Variants in ZDHHC3 observed in about 807,000 individuals in gnomAD.
ZDHHC3 encodes the protein palmitoyltransferase ZDHHC3.
A neutral mutation model predicts 30.6 loss-of-function variants in ZDHHC3; 9 were observed. The observed-to-expected ratio is 0.29, with a 90% CI of 0.18 to 0.51. The LOEUF (loss-of-function observed/expected upper bound fraction) is 0.51, where lower values mean the gene tolerates loss of function less well. Ranked by LOEUF, ZDHHC3 falls within the 20% of genes least tolerant of loss-of-function variation. The pLI is 0.97. For synonymous variants in ZDHHC3, 136 were observed against 140.2 expected (o/e 0.97, Z 0.21); for missense variants, 246 against 384.2 (o/e 0.64, Z 3.01).
rs1339629648 is a variant in ZDHHC3 at position 44,922,970 on chromosome 3, T to G, written c.*3719A>C. On this transcript the variant is annotated 3_prime_UTR_variant, in exon 7 of 7. Coordinates refer to ENST00000424952, the MANE Select transcript of ZDHHC3 (RefSeq NM_001135179.2). The stretch of plus-strand genomic sequence containing the variant: ...CTTTAAGCTGATGCACTGCAAGTCT[T>G]GAAAAGAGAGAAATTTAAAACCCAT... 1 of 985,222 alleles carries G rather than the reference T, an allele frequency of 1.0e-6. No homozygotes were observed. The highest frequency in any genetic ancestry group is 1.1e-4 in the East Asian group (1 of 8,822). The allele number at this position is 985,222 out of a possible 1,614,324, so 61.0% of individuals were successfully genotyped here. A position where few individuals can be genotyped will look rare whatever the true frequency, so the allele number is the denominator to read the frequency against.
chr3:44,945,127 G>A, intron 3 of ZDHHC3, 41 bp downstream of exon 3: 1 of 1,612,708 alleles, frequency 6.2e-7, no homozygotes, highest in Admixed American at 1.7e-5. Context: ...AGGGAGGCAG[G>A]ACAGTGGGAG....
chr3:44,942,693 G>A (rs139563112), intron 3 of ZDHHC3, among the ~76,000 whole-genome samples: 3 of 152,210 alleles, frequency 2.0e-5, no homozygotes, highest in Admixed American at 2.0e-4. Context: ...CGCTTGTTGA[G>A]CTAGGTGACT....
Position 44,933,920 on chromosome 3 carries a change from C to T in ZDHHC3, c.496G>A (p.Glu166Lys), listed in dbSNP as rs756310134. ...AGGACGAAGTACTTCTGGTTGTTCTCGCCTACACAGTTGTTGACCCAGGGA... is the reference window on the plus strand; with the variant it reads ...AGGACGAAGTACTTCTGGTTGTTCTTGCCTACACAGTTGTTGACCCAGGGA... ...HCPWVNNCVG[E>K]NNQKYFVLFT... The change falls in exon 4 of 7, where the codon GAG becomes AAG. Residue 166 changes from glutamate (E) to lysine (K), a missense_variant. Transcript: ENST00000424952. 4.3e-6 allele frequency: 7 copies of T among 1,614,196 alleles called. No homozygotes were observed. The highest frequency in any genetic ancestry group is 1.1e-5 in the South Asian group (1 of 91,084).
chr3:44,945,235 G>A lies in ZDHHC3; in HGVS notation c.364C>T (p.Pro122Ser). The change falls in exon 3 of 7, where the codon CCT becomes TCT. Residue 122 changes from proline (P) to serine (S), a missense_variant. By Grantham distance (74) the Pro-to-Ser change is moderately conservative. Coordinates refer to ENST00000424952, the MANE Select transcript of ZDHHC3 (RefSeq NM_001135179.2). Reference sequence around the variant, plus strand: ...GGGCACTTGTACACCACCTGCCCAGGCTTCAACTGTAAACTCTCGATGAAT... The same window carrying A: ...GGGCACTTGTACACCACCTGCCCAGACTTCAACTGTAAACTCTCGATGAAT... ...KEFIESLQLKPGQVVYKCPKC... is the reference protein window; with the variant it reads ...KEFIESLQLKSGQVVYKCPKC... 6.2e-7 allele frequency: 1 copy of A among 1,614,240 alleles called. No homozygotes were observed. The highest frequency in any genetic ancestry group is 8.5e-7 in the Non-Finnish European group (1 of 1,180,048).
At chr3:44,934,092 C>G (rs952923137) in intron 3 of ZDHHC3, 108 bp from the exon 4 acceptor site, 1 of 1,084,862 alleles carries the variant, frequency 9.2e-7, no homozygotes, top group Non-Finnish European at 1.4e-6. Flanking sequence ...AAATGGCTTC[C>G]TTGGGCACTG....
At chr3:44,933,743 A>T in intron 4 of ZDHHC3, 145 bp downstream of exon 4, 1 of 784,754 alleles carries the variant, frequency 1.3e-6, no homozygotes, top group Non-Finnish European at 2.2e-6. Context: ...TTGTTGAGCC[A>T]GAGAGATCTT....
intron 2 of ZDHHC3, among the ~76,000 whole-genome samples, chr3:44,955,918 G>A (rs577538052): frequency 1.3e-5 from 2 of 152,288 alleles, no homozygotes; most frequent in Admixed American, 1.3e-4. Context: ...CCTTACTAAT[G>A]GTAGATATTT....
chr3:44,956,300 C>G (rs927034241), intron 2 of ZDHHC3, among the ~76,000 whole-genome samples: 1 of 152,212 alleles, frequency 6.6e-6, no homozygotes, highest in Non-Finnish European at 1.5e-5. Context: ...CAGCTCCAGA[C>G]TGACTATCTA....
At chr3:44,973,528 A>G (rs1442087261) in intron 1 of ZDHHC3, among the ~76,000 whole-genome samples, 1 of 151,998 alleles carries the variant, frequency 6.6e-6, no homozygotes, top group Admixed American at 6.6e-5. Flanking sequence ...GCGTGATCTC[A>G]GCTCACTAAA....
chr3:44,951,672 C>T (rs1263591849), intron 2 of ZDHHC3, among the ~76,000 whole-genome samples: 4 of 152,150 alleles, frequency 2.6e-5, no homozygotes, highest in Non-Finnish European at 5.9e-5. Context: ...GCTCTCCCTG[C>T]CCTTTCATAG....
In ZDHHC3 at chr3:44,929,348, C is replaced by A. The variant is rs1701285723; in HGVS notation, c.699G>T (p.Val233=). ...EGLLFLIFTS[V]MFGTQVHSIC... Reference sequence around the variant, plus strand: ...TGGAGTGCACCTGGGTCCCAAACATCACTGATGTGAAAATGAGGAAGAGCA... The same window carrying A: ...TGGAGTGCACCTGGGTCCCAAACATAACTGATGTGAAAATGAGGAAGAGCA... The change falls in exon 6 of 7, where the codon GTG becomes GTT. Residue 233 remains valine (V), a synonymous_variant. Transcript: ENST00000424952. 6.2e-7 allele frequency: 1 copy of A among 1,614,020 alleles called. No individual in the cohort carries two copies. The highest frequency in any genetic ancestry group is 8.5e-7 in the Non-Finnish European group (1 of 1,180,014).
chr3:44,942,534 G>C (rs188071456), intron 3 of ZDHHC3, among the ~76,000 whole-genome samples: 1 of 152,204 alleles, frequency 6.6e-6, no homozygotes, highest in Non-Finnish European at 1.5e-5. Flanking sequence ...AGGCGGTGGA[G>C]GCAGCTGAGG....
Position 44,952,307 on chromosome 3 carries a change from C to A in ZDHHC3, c.306+6824G>T, listed in dbSNP as rs9826909. Among the ~76,000 whole-genome samples the A allele has an allele frequency of 9.1e-3, 1,384 of 152,204 alleles. 21 individuals are homozygous for A. The highest frequency in any genetic ancestry group is 0.029 in the African/African-American group (1,212 of 41,506). On this transcript the variant is annotated intron_variant, in intron 2 of 6. Coordinates refer to ENST00000424952, the MANE Select transcript of ZDHHC3 (RefSeq NM_001135179.2). The stretch of plus-strand genomic sequence containing the variant: ...CTCAGACTGTGCCTTGAATCCCATG[C>A]TCTCCCCTCCATGCCATCATCATGC...
At chr3:44,930,067 G>A (rs563487159) in intron 5 of ZDHHC3, among the ~76,000 whole-genome samples, 1 of 152,352 alleles carries the variant, frequency 6.6e-6, no homozygotes, top group East Asian at 1.9e-4. Context: ...CAGTGCCAAA[G>A]GCCAGGGAGT....
rs1351241332 is a variant in ZDHHC3 at position 44,920,208 on chromosome 3, A to G, written c.*6481T>C. ...TAAAGGGACCTTCATGTGGGTCATG[A>G]GCATGTGATGCCATGCTGCTTCCTG... On this transcript the variant is annotated 3_prime_UTR_variant, in exon 7 of 7. Coordinates refer to ENST00000424952, the MANE Select transcript of ZDHHC3 (RefSeq NM_001135179.2). 7.8e-7 allele frequency: 1 copy of G among 1,289,950 alleles called. No individual in the cohort carries two copies. Among genetic ancestry groups the G allele is most frequent in the Non-Finnish European group, 1.0e-6 (1 of 988,906 alleles). 79.9% of individuals were successfully genotyped at this position (1,289,950 alleles called of 1,614,324 possible).
chr3:44,966,624 C>T (rs1010274503), intron 1 of ZDHHC3, among the ~76,000 whole-genome samples: 6 of 152,164 alleles, frequency 3.9e-5, no homozygotes, highest in Admixed American at 3.9e-4. Flanking sequence ...TATTCACAAG[C>T]CAGCCCTGCA....
intron 1 of ZDHHC3, among the ~76,000 whole-genome samples, chr3:44,971,692 C>T (rs1705417027): frequency 6.6e-6 from 1 of 152,158 alleles, no homozygotes; most frequent in Admixed American, 6.5e-5. Context: ...AGGAAACATG[C>T]TGTCACTCTC....
chr3:44,931,239 C>T (rs1311487339), intron 5 of ZDHHC3, among the ~76,000 whole-genome samples: 1 of 152,230 alleles, frequency 6.6e-6, no homozygotes, highest in Admixed American at 6.5e-5. Context: ...ACAGTTCGGC[C>T]TTGGCCTGGC....
chr3:44,946,856 T>C (rs1163922081), intron 2 of ZDHHC3, among the ~76,000 whole-genome samples: 1 of 152,290 alleles, frequency 6.6e-6, no homozygotes, highest in Non-Finnish European at 1.5e-5. Context: ...GTGCGCTGAA[T>C]ACCAGGTTGG....
Sources: gnomAD v4.1 joint callset for allele counts (sites outside exome capture counted in the v4.1 genomes callset) on GRCh38, gnomAD v4.1.1 for gene constraint, MANE v1.5 for transcripts, NCBI Gene and HGNC (gene_info 2026-07-23, HGNC 2026-07-21) for gene names.